Variants in ULK4 observed in about 807,000 individuals in gnomAD.
ULK4 encodes unc-51 like kinase 4.
Under a neutral mutation model 160.6 loss-of-function variants are expected in ULK4, and 133 were observed. The ratio of observed to expected loss-of-function variants is 0.83; its 90% CI spans 0.72 to 0.96. The LOEUF is 0.96. Among genes scored for constraint, ULK4 ranks in the 40% least tolerant of loss-of-function variants. The pLI is 0.00. For synonymous variants in ULK4, 534 were observed against 539.8 expected (o/e 0.99, Z 0.15); for missense variants, 1,580 against 1,499.5 (o/e 1.05, Z -0.89).
At chr3:41,401,254 T>G (rs982616120) in intron 34 of ULK4, among the ~76,000 whole-genome samples, 1 of 152,074 alleles carries the variant, frequency 6.6e-6, no homozygotes, top group Non-Finnish European at 1.5e-5. Context: ...TTTCTAAAGG[T>G]TTTATAGTTT....
rs1273981000 is a variant in ULK4, at chr3:41,730,518, T to C, written c.2322-12657A>G. Among the ~76,000 whole-genome samples, 7 of 152,126 alleles carry C rather than the reference T, an allele frequency of 4.6e-5. No homozygotes were observed. In the East Asian group the frequency reaches 1.2e-3, roughly 25 times the overall value. The stretch of plus-strand genomic sequence containing the variant: ...ATACACCAAAAAGTTGAAAAATCTA[T>C]CAAAAATGGACAAATGCCTGGATAC... On this transcript the variant is annotated intron_variant, in intron 22 of 36. Transcript: ENST00000301831.
At chr3:41,835,184 T>C (rs1352844490) in intron 18 of ULK4, among the ~76,000 whole-genome samples, 5 of 152,184 alleles carry the variant, frequency 3.3e-5, no homozygotes, top group Non-Finnish European at 7.3e-5. Flanking sequence ...CACTCCAGCC[T>C]GGGCAACAGA....
intron 35 of ULK4, among the ~76,000 whole-genome samples, chr3:41,294,741 G>T (rs775461479): frequency 4.6e-5 from 7 of 151,944 alleles, no homozygotes; most frequent in East Asian, 1.9e-4. Context: ...AACAAGAAAA[G>T]AAAATAAAAG....
intron 31 of ULK4, among the ~76,000 whole-genome samples, chr3:41,567,443 A>ATTTTTTTT (rs71288055): frequency 4.4e-5 from 4 of 90,302 alleles, no homozygotes; most frequent in Non-Finnish European, 6.2e-5. Context: ...CACTTAACAG[A>ATTTTTTTT]TTTTTTTTTT....
chr3:41,342,762 T>C (rs912376170), intron 35 of ULK4, among the ~76,000 whole-genome samples: 3 of 151,996 alleles, frequency 2.0e-5, no homozygotes, highest in African/African-American at 7.2e-5. Flanking sequence ...AACACCGATG[T>C]AAAAATCCTC....
intron 34 of ULK4, among the ~76,000 whole-genome samples, chr3:41,408,300 C>T (rs1401068399): frequency 1.3e-5 from 2 of 150,964 alleles, no homozygotes; most frequent in South Asian, 2.1e-4. Flanking sequence ...TGGTGGCGGG[C>T]GCCTGTAGTC....
intron 17 of ULK4, among the ~76,000 whole-genome samples, chr3:41,842,551 T>G (rs1357134090): frequency 6.6e-6 from 1 of 151,440 alleles, no homozygotes; most frequent in Non-Finnish European, 1.5e-5. Context: ...TTCTCACTCT[T>G]AGTTCTCAGG....
chr3:41,901,723 A>T (rs1698373082), intron 12 of ULK4, among the ~76,000 whole-genome samples: 1 of 151,332 alleles, frequency 6.6e-6, no homozygotes, highest in East Asian at 1.9e-4. Context: ...CAGGTGATCC[A>T]CCCAACTTGG....
chr3:41,822,605 G>C (rs74482513), intron 18 of ULK4, among the ~76,000 whole-genome samples: 38,392 of 150,118 alleles, frequency 0.26, 5,997 homozygotes, highest in African/African-American at 0.45. Context: ...TTTTAGTAGA[G>C]ACAGCATTTC....
chr3:41,772,482 A>C (rs28392793), intron 21 of ULK4, among the ~76,000 whole-genome samples: 9,426 of 152,130 alleles, frequency 0.062, 537 homozygotes, highest in East Asian at 0.16. Flanking sequence ...GAAATGGATA[A>C]ATTCCTCGAC....
Position 41,919,795 on chromosome 3 carries a change from C to G in ULK4, c.565G>C (p.Glu189Gln). ...GAAAAGTCAGCACCCCTCACAACTTCTGGTGCTGTATATACAGGAGATCCT... is the reference window on the plus strand; with the variant it reads ...GAAAAGTCAGCACCCCTCACAACTTGTGGTGCTGTATATACAGGAGATCCT... ...VKGSPVYTAP[E>Q]VVRGADFSIS... The change falls in exon 6 of 37, where the codon GAA (glutamate) becomes CAA (glutamine). Residue 189 changes from glutamate to glutamine, a missense_variant. Coordinates refer to ENST00000301831, the MANE Select transcript of ULK4 (RefSeq NM_017886.4). 6.2e-7 allele frequency: 1 copy of G among 1,614,016 alleles called. No homozygotes were observed. The highest frequency in any genetic ancestry group is 8.5e-7 in the Non-Finnish European group (1 of 1,179,922).
At chr3:41,602,194 TAAGA>T (rs1377494793) in intron 31 of ULK4, among the ~76,000 whole-genome samples, 2 of 142,802 alleles carry the variant, frequency 1.4e-5, no homozygotes, top group Non-Finnish European at 3.0e-5. Context: ...ACTCTGTCTG[TAAGA>T]AAGAAAGGGA....
intron 4 of ULK4, among the ~76,000 whole-genome samples, chr3:41,933,910 C>A (rs1417171059): frequency 2.0e-5 from 3 of 151,944 alleles, no homozygotes; most frequent in Non-Finnish European, 2.9e-5. Context: ...ATTTGCCACA[C>A]ACCTGTAGTC....
intron 34 of ULK4, among the ~76,000 whole-genome samples, chr3:41,403,620 C>T (rs1455258029): frequency 6.6e-6 from 1 of 151,776 alleles, no homozygotes; most frequent in Non-Finnish European, 1.5e-5. Flanking sequence ...TAATTCCTTC[C>T]CTTTTGCTTG....
At position 41,716,377 on chromosome 3, in the gene ULK4, T is replaced by G. The variant is rs541478482; in HGVS notation, c.2456-809A>C. The stretch of plus-strand genomic sequence containing the variant: ...GATAAATCTAACAATAAATAAAACT[T>G]GCTTTGTGGACATCAGAATCTTATC... On this transcript the variant is annotated intron_variant, in intron 23 of 36. Transcript: ENST00000301831. Among the ~76,000 whole-genome samples, 5 of 152,142 alleles carry G rather than the reference T, an allele frequency of 3.3e-5. No homozygotes were observed. In the South Asian group the frequency reaches 8.3e-4, roughly 25 times the overall value.
At chr3:41,355,084 C>G (rs962304936) in intron 35 of ULK4, among the ~76,000 whole-genome samples, 1 of 152,182 alleles carries the variant, frequency 6.6e-6, no homozygotes, top group Non-Finnish European at 1.5e-5. Context: ...AATAACTGTG[C>G]TAAGGGTAAA....
intron 22 of ULK4, among the ~76,000 whole-genome samples, chr3:41,749,676 G>A (rs1461546819): frequency 2.0e-5 from 3 of 152,174 alleles, no homozygotes; most frequent in African/African-American, 7.2e-5. Context: ...GGAAATCAAG[G>A]AGCATCTGTA....
At chr3:41,856,597 ATAT>A in intron 17 of ULK4, among the ~76,000 whole-genome samples, 1 of 80,066 alleles carries the variant, frequency 1.2e-5, no homozygotes, top group Admixed American at 1.1e-4. Flanking sequence ...ACACATATAT[ATAT>A]ATGTGTATAT....
chr3:41,248,910 G>A (rs978876985), intron 36 of ULK4, among the ~76,000 whole-genome samples: 15 of 152,360 alleles, frequency 9.8e-5, no homozygotes, highest in African/African-American at 2.4e-4. Flanking sequence ...CACACTGACT[G>A]TACAGCCAAG....
Sources: gnomAD v4.1 joint callset for allele counts (sites outside exome capture counted in the v4.1 genomes callset) on GRCh38, gnomAD v4.1.1 for gene constraint, MANE v1.5 for transcripts, NCBI Gene and HGNC (gene_info 2026-07-23, HGNC 2026-07-21) for gene names.